PIEZO2: variants seen among roughly 807,000 people sequenced by gnomAD.
PIEZO2 encodes piezo-type mechanosensitive ion channel component 2.
Under a neutral mutation model 337.3 loss-of-function variants are expected in PIEZO2, and 172 were observed. The ratio of observed to expected loss-of-function variants is 0.51; its 90% CI spans 0.45 to 0.58. The LOEUF is 0.58. Among genes scored for constraint, PIEZO2 ranks in the 20% least tolerant of loss-of-function variants. The pLI is 0.00. For missense variants in PIEZO2, 3,028 were observed against 3,391.3 expected (o/e 0.89, Z 2.66); for synonymous variants, 1,251 against 1,228.5 (o/e 1.02, Z -0.38).
intron 21 of PIEZO2, among the ~76,000 whole-genome samples, chr18:10,769,226 G>A (rs60294018): frequency 2.0e-5 from 3 of 152,056 alleles, no homozygotes; most frequent in Admixed American, 1.3e-4. Context: ...TAACGTATAC[G>A]CCCAGTGACT....
intron 3 of PIEZO2, among the ~76,000 whole-genome samples, chr18:10,977,048 C>G (rs1286537253): frequency 8.9e-6 from 1 of 111,784 alleles, no homozygotes; most frequent in African/African-American, 3.1e-5. Context: ...TGTAAGCTTG[C>G]CTGTCTGTCT....
At chr18:11,057,900 C>T (rs980140757) in intron 2 of PIEZO2, among the ~76,000 whole-genome samples, 1 of 152,192 alleles carries the variant, frequency 6.6e-6, no homozygotes, top group African/African-American at 2.4e-5. Flanking sequence ...TTCTATAGCA[C>T]AGTAGTATGT....
chr18:10,720,696 C>T (rs2036275261), intron 36 of PIEZO2, among the ~76,000 whole-genome samples: 1 of 151,858 alleles, frequency 6.6e-6, no homozygotes, highest in African/African-American at 2.4e-5. Flanking sequence ...CCTTCTACCA[C>T]AGCGTCCCAA....
chr18:10,747,214 CG>C (rs772024992), intron 30 of PIEZO2, among the ~76,000 whole-genome samples: 2 of 152,046 alleles, frequency 1.3e-5, no homozygotes, highest in African/African-American at 2.4e-5. Flanking sequence ...AAAAAGACAC[CG>C]GGGAACATTC....
At chr18:10,890,350 T>C (rs1171441756) in intron 4 of PIEZO2, 1 of 152,214 alleles carries the variant, frequency 6.6e-6, no homozygotes, top group Non-Finnish European at 1.5e-5. Context: ...AAATATAGCA[T>C]TTGCCATTTT....
At chr18:10,770,006 T>C in intron 21 of PIEZO2, 142 bp downstream of exon 21, 1 of 849,554 alleles carries the variant, frequency 1.2e-6, no homozygotes, top group Non-Finnish European at 1.7e-6. Flanking sequence ...CGGATTTCTG[T>C]AAGTGTAAGT....
intron 1 of PIEZO2, among the ~76,000 whole-genome samples, chr18:11,140,328 A>G (rs565727626): frequency 1.1e-3 from 174 of 152,198 alleles, no homozygotes; most frequent in Non-Finnish European, 2.0e-3. Flanking sequence ...TGGCATTTCA[A>G]CTTCATTTAG....
intron 2 of PIEZO2, among the ~76,000 whole-genome samples, chr18:11,052,344 G>A (rs922193356): frequency 2.6e-5 from 4 of 152,146 alleles, no homozygotes; most frequent in Non-Finnish European, 4.4e-5. Context: ...TCAGGATGCT[G>A]CCTTCTCACC....
chr18:11,009,490 T>A lies in PIEZO2; in HGVS notation c.161-29830A>T, dbSNP rs2035823294. On this transcript the variant is annotated intron_variant, in intron 2 of 55. Coordinates refer to ENST00000674853, the MANE Select transcript of PIEZO2 (RefSeq NM_001378183.1). The surrounding 1 kb of genome is among the most constrained non-coding windows in gnomAD (Gnocchi z 4.6). ...GTTGAGCCCAGCTCAGCTCATGGAC[T>A]GGTTGAGGCGCGTGTGAGAGCAGCG... 2.0e-5 allele frequency among the ~76,000 whole-genome samples: 3 copies of A among 152,202 alleles called. No homozygotes were observed. Among genetic ancestry groups the A allele is most frequent in the Non-Finnish European group, 4.4e-5 (3 of 68,038 alleles).
At chr18:10,827,500 C>A (rs1012426762) in intron 7 of PIEZO2, among the ~76,000 whole-genome samples, 2 of 146,034 alleles carry the variant, frequency 1.4e-5, no homozygotes, top group African/African-American at 5.4e-5. Context: ...ACATTTGCCT[C>A]CTTTTTTTCT....
At chr18:10,801,249 C>T in intron 10 of PIEZO2, 141 bp downstream of exon 10, 1 of 604,592 alleles carries the variant, frequency 1.7e-6, no homozygotes, top group Non-Finnish European at 2.7e-6. Context: ...AGCAATCTAC[C>T]AGATATAATT....
chr18:10,849,569 A>G (rs1381727168), intron 7 of PIEZO2, among the ~76,000 whole-genome samples: 3 of 152,158 alleles, frequency 2.0e-5, no homozygotes, highest in Non-Finnish European at 4.4e-5. Flanking sequence ...GGATGCCTAT[A>G]GGACAGAAGC....
At chr18:10,922,394 A>T (rs1033178032) in intron 3 of PIEZO2, among the ~76,000 whole-genome samples, 3 of 152,076 alleles carry the variant, frequency 2.0e-5, no homozygotes, top group African/African-American at 4.8e-5. Context: ...ATGGAAAGGG[A>T]TGAGAATGCA....
rs141781214 is a variant in PIEZO2, at chr18:10,767,055, C to T, written c.2946+3093G>A. Among the ~76,000 whole-genome samples, 1,011 of 150,696 alleles carry T rather than the reference C, an allele frequency of 6.7e-3. 15 individuals are homozygous for T. The highest frequency in any genetic ancestry group is 0.023 in the African/African-American group (938 of 40,854). Reference sequence around the variant, plus strand: ...CTTCCTTCTCCAATTGGCCAGGCCCCCCAGGGAGGAGCTGAGGTGCTAACA... The same window carrying T: ...CTTCCTTCTCCAATTGGCCAGGCCCTCCAGGGAGGAGCTGAGGTGCTAACA... On this transcript the variant is annotated intron_variant, in intron 21 of 55. Transcript: ENST00000674853. The surrounding 1 kb of genome is among the most constrained non-coding windows in gnomAD (Gnocchi z 4.2).
chr18:11,114,917 G>T (rs1338107277), intron 1 of PIEZO2, among the ~76,000 whole-genome samples: 1 of 152,134 alleles, frequency 6.6e-6, no homozygotes, highest in Non-Finnish European at 1.5e-5. Context: ...ACTAACAACA[G>T]AGGAGCAATT....
At position 10,784,458 on chromosome 18, in the gene PIEZO2, T is replaced by TA. The variant is rs1312863648; in HGVS notation, c.2492+325dup. On this transcript the variant is annotated intron_variant, in intron 17 of 55. Coordinates refer to ENST00000674853, the MANE Select transcript of PIEZO2 (RefSeq NM_001378183.1). The surrounding 1 kb of genome is among the most constrained non-coding windows in gnomAD (Gnocchi z 4.5). ...AATCCTCTGAATTAGCCAGATTCCC[T>TA]AAATGTTCTAAAAACATATAACCAG... Among the ~76,000 whole-genome samples the TA allele has an allele frequency of 1.3e-5, 2 of 152,218 alleles. No individual in the cohort carries two copies. The highest frequency in any genetic ancestry group is 2.9e-5 in the Non-Finnish European group (2 of 68,040).
chr18:11,147,806 A>C (rs2146310870), intron 1 of PIEZO2, among the ~76,000 whole-genome samples: 1 of 152,334 alleles, frequency 6.6e-6, no homozygotes, highest in Admixed American at 6.5e-5. Flanking sequence ...GGCGTCGAGG[A>C]GGCTCCCTTG....
intron 18 of PIEZO2, among the ~76,000 whole-genome samples, chr18:10,778,573 C>T (rs1215936318): frequency 3.3e-5 from 5 of 152,066 alleles, no homozygotes; most frequent in Admixed American, 1.3e-4. Context: ...ACCTCATGAT[C>T]CACCTGCCTC....
chr18:11,003,074 G>C lies in PIEZO2; in HGVS notation c.161-23414C>G, dbSNP rs1385901217. Among the ~76,000 whole-genome samples the C allele has an allele frequency of 2.0e-5, 3 of 150,892 alleles. No homozygotes were observed. Among genetic ancestry groups the C allele is most frequent in the African/African-American group, 7.5e-5 (3 of 40,192 alleles). On this transcript the variant is annotated intron_variant, in intron 2 of 55. Transcript: ENST00000674853. The surrounding 1 kb of genome is among the most constrained non-coding windows in gnomAD (Gnocchi z 4.6). ...TAAGCACAAGGAGATTCTAACCTGG[G>C]AGATGTCCAGTGACATGTCTTTGCC... is the stretch of plus-strand genomic sequence containing the variant.
Sources: allele counts gnomAD v4.1 joint callset (sites outside exome capture counted in the v4.1 genomes callset), GRCh38; gene constraint gnomAD v4.1.1; non-coding constraint Gnocchi (gnomAD v3.1); transcripts MANE v1.5; gene names NCBI Gene and HGNC (gene_info 2026-07-23, HGNC 2026-07-21).